PLCB1: variants seen among roughly 807,000 people sequenced by gnomAD.
The protein encoded by PLCB1 is 1-phosphatidylinositol 4,5-bisphosphate phosphodiesterase beta-1.
In PLCB1, 46 loss-of-function variants were observed where a neutral mutation model predicts 161.8. That is an observed-to-expected ratio of 0.28 (90% CI 0.22 to 0.36). PLCB1 has a LOEUF of 0.36. Ranked by LOEUF, PLCB1 falls within the 10% of genes least tolerant of loss-of-function variation. The pLI is 1.00. For synonymous variants in PLCB1, 517 were observed against 503.7 expected (o/e 1.03, Z -0.35); for missense variants, 1,016 against 1,472.5 (o/e 0.69, Z 5.07).
intron 3 of PLCB1, among the ~76,000 whole-genome samples, chr20:8,495,686 CG>C (rs1191019808): frequency 1.3e-5 from 2 of 152,022 alleles, no homozygotes; most frequent in Non-Finnish European, 2.9e-5. Flanking sequence ...CGTGAGCCAC[CG>C]CGCCTGGCCG....
intron 3 of PLCB1, among the ~76,000 whole-genome samples, chr20:8,513,602 C>G (rs971389545): frequency 3.9e-5 from 6 of 152,176 alleles, no homozygotes; most frequent in African/African-American, 1.4e-4. Flanking sequence ...TTCTGTCCCC[C>G]CTGCCAGTTG....
intron 18 of PLCB1, among the ~76,000 whole-genome samples, chr20:8,731,103 G>A (rs1051229072): frequency 1.3e-5 from 2 of 151,514 alleles, no homozygotes; most frequent in Non-Finnish European, 3.0e-5. Context: ...TCAGTAGGAA[G>A]TTCAACATTA....
intron 2 of PLCB1, among the ~76,000 whole-genome samples, chr20:8,303,732 A>T (rs951416073): frequency 2.0e-5 from 3 of 152,204 alleles, no homozygotes; most frequent in Admixed American, 6.5e-5. Context: ...GTTGCTGAGA[A>T]CATTTATAGC....
intron 3 of PLCB1, among the ~76,000 whole-genome samples, chr20:8,621,823 G>C (rs1317184033): frequency 6.6e-6 from 1 of 152,148 alleles, no homozygotes; most frequent in Non-Finnish European, 1.5e-5. Flanking sequence ...ATAAAACTGA[G>C]CAAATTACTT....
At chr20:8,529,772 T>C (rs1047158610) in intron 3 of PLCB1, among the ~76,000 whole-genome samples, 2 of 152,148 alleles carry the variant, frequency 1.3e-5, no homozygotes, top group African/African-American at 4.8e-5. Flanking sequence ...CGTACGTTTC[T>C]GTGCTGATTA....
chr20:8,346,535 A>G (rs1020955309), intron 2 of PLCB1, among the ~76,000 whole-genome samples: 5 of 152,118 alleles, frequency 3.3e-5, no homozygotes, highest in Non-Finnish European at 7.3e-5. Context: ...ACCTTTTCTC[A>G]AAGTAATCAT....
chr20:8,523,909 C>A (rs59578690), intron 3 of PLCB1, among the ~76,000 whole-genome samples: 1 of 151,668 alleles, frequency 6.6e-6, no homozygotes, highest in Non-Finnish European at 1.5e-5. Context: ...GCATGGGGAG[C>A]GTGTGTTGTA....
intron 2 of PLCB1, among the ~76,000 whole-genome samples, chr20:8,323,530 C>A (rs80107865): frequency 6.6e-6 from 1 of 152,080 alleles, no homozygotes; most frequent in Non-Finnish European, 1.5e-5. Flanking sequence ...TAAACTCTCT[C>A]CTTATGGCCT....
chr20:8,466,291 A>G (rs1981817404), intron 3 of PLCB1, among the ~76,000 whole-genome samples: 1 of 140,310 alleles, frequency 7.1e-6, no homozygotes, highest in African/African-American at 2.7e-5. Flanking sequence ...ACATGGACAC[A>G]GGAAGGGGAA....
intron 3 of PLCB1, among the ~76,000 whole-genome samples, chr20:8,622,931 G>A (rs1988225832): frequency 9.0e-6 from 1 of 111,336 alleles, no homozygotes; most frequent in South Asian, 2.3e-4. Flanking sequence ...ATAGGTAATA[G>A]CAGCATTTTC....
At chr20:8,162,883 C>T (rs570400353) in intron 2 of PLCB1, among the ~76,000 whole-genome samples, 4 of 152,228 alleles carry the variant, frequency 2.6e-5, no homozygotes, top group Non-Finnish European at 4.4e-5. Flanking sequence ...GAAGTTTCAG[C>T]GTTATATTGT....
At chr20:8,695,486 G>A (rs990309566) in intron 10 of PLCB1, among the ~76,000 whole-genome samples, 1 of 152,306 alleles carries the variant, frequency 6.6e-6, no homozygotes. Context: ...AGGATCGGTT[G>A]AGCCCAGGAG....
chr20:8,676,058 GAC>G (rs1990065739), intron 9 of PLCB1, among the ~76,000 whole-genome samples: 1 of 152,218 alleles, frequency 6.6e-6, no homozygotes, highest in Admixed American at 6.5e-5. Context: ...GTGTGAGGAT[GAC>G]ACAAAGCCCA....
At chr20:8,690,612 G>A (rs1405264979) in intron 10 of PLCB1, among the ~76,000 whole-genome samples, 1 of 152,136 alleles carries the variant, frequency 6.6e-6, no homozygotes, top group Non-Finnish European at 1.5e-5. Context: ...ACCAGTCTTA[G>A]GTTTTATAAT....
chr20:8,434,056 C>T (rs1980186669), intron 3 of PLCB1, among the ~76,000 whole-genome samples: 1 of 152,140 alleles, frequency 6.6e-6, no homozygotes, highest in African/African-American at 2.4e-5. Flanking sequence ...TTCTTTCTTT[C>T]TCATTCTTAT....
chr20:8,862,815 G>C (rs1384718020), intron 31 of PLCB1, among the ~76,000 whole-genome samples: 1 of 152,104 alleles, frequency 6.6e-6, no homozygotes. Context: ...TCTTCATTTG[G>C]GTTCCCCCAG....
chr20:8,524,832 C>T (rs1997743), intron 3 of PLCB1, among the ~76,000 whole-genome samples: 13,934 of 152,078 alleles, frequency 0.092, 830 homozygotes, highest in East Asian at 0.22. Context: ...GTAACTCAAA[C>T]CCTCTCCATT....
intron 2 of PLCB1, among the ~76,000 whole-genome samples, chr20:8,294,085 G>A (rs1404593682): frequency 6.6e-6 from 1 of 152,098 alleles, no homozygotes; most frequent in Non-Finnish European, 1.5e-5. Flanking sequence ...TAATGCAGAA[G>A]TCATTTTCTT....
chr20:8,661,279 G>T (rs965574879), intron 9 of PLCB1, among the ~76,000 whole-genome samples: 1 of 152,082 alleles, frequency 6.6e-6, no homozygotes, highest in African/African-American at 2.4e-5. Context: ...CAAAGCATTT[G>T]TGCCCCAACT....
Sources: gnomAD v4.1 joint callset for allele counts (sites outside exome capture counted in the v4.1 genomes callset) on GRCh38, gnomAD v4.1.1 for gene constraint, MANE v1.5 for transcripts, NCBI Gene and HGNC (gene_info 2026-07-23, HGNC 2026-07-21) for gene names.